Variants in CDH9 observed in about 807,000 individuals in gnomAD.
CDH9 encodes the protein cadherin-9.
In CDH9, 28 loss-of-function variants were observed where a neutral mutation model predicts 70.9. The ratio of observed to expected loss-of-function variants is 0.40; its 90% CI spans 0.29 to 0.54. The LOEUF (loss-of-function observed/expected upper bound fraction) is 0.54. CDH9 is among the 20% of genes least tolerant of loss of function. CDH9 has a pLI of 0.59. For synonymous variants in CDH9, 409 were observed against 343.1 expected (o/e 1.19, Z -2.12); for missense variants, 874 against 984.4 (o/e 0.89, Z 1.50).
intron 2 of CDH9, among the ~76,000 whole-genome samples, chr5:26,979,171 C>T (rs1742355519): frequency 6.6e-6 from 1 of 151,224 alleles, no homozygotes; most frequent in Admixed American, 6.6e-5. Context: ...ATTAACAATG[C>T]ATTATGCAGT....
In CDH9 at chr5:26,907,156, A is replaced by G. The variant is rs142957477; in HGVS notation, c.524-318T>C. Among the ~76,000 whole-genome samples the G allele has an allele frequency of 2.4e-3, 365 of 152,292 alleles. 2 individuals are homozygous for G. The highest frequency in any genetic ancestry group is 8.5e-3 in the African/African-American group (352 of 41,576). On this transcript the variant is annotated intron_variant, in intron 3 of 11. Transcript: ENST00000231021. ...TAGGGCAAACATTCTTAAAATGAAT[A>G]TAACACACATGAAATTTGTAATTAA...
intron 1 of CDH9, among the ~76,000 whole-genome samples, chr5:27,004,672 TGA>T (rs1373312917): frequency 2.6e-5 from 4 of 152,124 alleles, no homozygotes; most frequent in African/African-American, 9.6e-5. Flanking sequence ...CATTTACTAA[TGA>T]GAGACACATG....
At chr5:27,026,794 C>T (rs1338190800) in intron 1 of CDH9, among the ~76,000 whole-genome samples, 1 of 151,944 alleles carries the variant, frequency 6.6e-6, no homozygotes, top group Non-Finnish European at 1.5e-5. Flanking sequence ...AAATCATTAA[C>T]ATTCACCAAA....
intron 7 of CDH9, among the ~76,000 whole-genome samples, chr5:26,891,852 C>T (rs1561184878): frequency 1.3e-5 from 2 of 152,140 alleles, no homozygotes; most frequent in African/African-American, 2.4e-5. Context: ...TGAACATAGG[C>T]AGCCTCTAAA....
chr5:26,953,789 A>G (rs1402085668), intron 2 of CDH9, among the ~76,000 whole-genome samples: 2 of 152,128 alleles, frequency 1.3e-5, no homozygotes, highest in African/African-American at 4.8e-5. Context: ...AATTATTTCA[A>G]TGGCTTCCTA....
chr5:27,036,049 C>T (rs1743387586), intron 1 of CDH9, among the ~76,000 whole-genome samples: 3 of 151,728 alleles, frequency 2.0e-5, no homozygotes, highest in South Asian at 2.1e-4. Flanking sequence ...ACATTAATTG[C>T]ATATTTTATA....
At chr5:27,024,207 C>T (rs1173940473) in intron 1 of CDH9, among the ~76,000 whole-genome samples, 2 of 151,850 alleles carry the variant, frequency 1.3e-5, no homozygotes, top group African/African-American at 4.8e-5. Flanking sequence ...ATATATTTTT[C>T]ATACTCTCAT....
intron 2 of CDH9, among the ~76,000 whole-genome samples, chr5:26,956,655 C>T (rs965831905): frequency 1.3e-4 from 20 of 152,108 alleles, no homozygotes; most frequent in African/African-American, 4.8e-4. Flanking sequence ...CCACAGACCC[C>T]ACAGGCTTTC....
intron 2 of CDH9, among the ~76,000 whole-genome samples, chr5:26,934,057 C>T (rs922792108): frequency 6.6e-6 from 1 of 151,936 alleles, no homozygotes; most frequent in Non-Finnish European, 1.5e-5. Context: ...CAGATGGCTA[C>T]CACTAATGGC....
chr5:26,961,352 A>C (rs1458966424), intron 2 of CDH9, among the ~76,000 whole-genome samples: 1 of 152,050 alleles, frequency 6.6e-6, no homozygotes, highest in African/African-American at 2.4e-5. Flanking sequence ...GATCTTTTGA[A>C]TTTATTCTTC....
intron 11 of CDH9, among the ~76,000 whole-genome samples, chr5:26,883,133 T>A (rs1225953086): frequency 7.2e-6 from 1 of 138,722 alleles, no homozygotes; most frequent in Non-Finnish European, 1.5e-5. Context: ...ACTCTTCTTT[T>A]AAAAGATGGA....
chr5:26,943,085 A>G (rs1271092481), intron 2 of CDH9, among the ~76,000 whole-genome samples: 1 of 152,228 alleles, frequency 6.6e-6, no homozygotes, highest in Admixed American at 6.6e-5. Flanking sequence ...CAATACTAGC[A>G]TAAAATTTTG....
At chr5:26,889,690 G>T in intron 9 of CDH9, 146 bp downstream of exon 9, 1 of 521,044 alleles carries the variant, frequency 1.9e-6, no homozygotes, top group East Asian at 3.3e-5. Context: ...AAAAATCACT[G>T]TGAGTTCTTT....
chr5:26,961,803 T>C (rs1742041053), intron 2 of CDH9, among the ~76,000 whole-genome samples: 2 of 152,176 alleles, frequency 1.3e-5, no homozygotes, highest in East Asian at 3.9e-4. Context: ...CCTAGCACCA[T>C]GAGTGCATTA....
intron 2 of CDH9, among the ~76,000 whole-genome samples, chr5:26,933,029 G>A (rs909725317): frequency 2.7e-5 from 4 of 146,104 alleles, no homozygotes; most frequent in African/African-American, 9.9e-5. Flanking sequence ...TTATATTAAT[G>A]TATTATTTAT....
rs765294287 is a variant in CDH9 at position 26,890,468 on chromosome 5, T to C, written c.1350A>G (p.Ser450=). The change falls in exon 8 of 12, where the codon TCA becomes TCG. Residue 450 remains serine (S), a synonymous_variant. Transcript: ENST00000231021. The part of the protein sequence containing the change: ...IFTLKALDRE[S]SPWHNITVTA... Reference sequence around the variant, plus strand: ...TAACAGTGATGTTATGCCAAGGAGATGATTCCCGGTCAAGGGCTTTCAAAG... The same window carrying C: ...TAACAGTGATGTTATGCCAAGGAGACGATTCCCGGTCAAGGGCTTTCAAAG... The C allele has an allele frequency of 2.9e-5, 46 of 1,613,496 alleles. No individual in the cohort carries two copies. The South Asian group carries it at 4.6e-4, about 16-fold the overall frequency.
chr5:27,032,298 T>C lies in CDH9; in HGVS notation c.-50+6165A>G, dbSNP rs1743322329. Reference sequence around the variant, plus strand: ...TTACAAGTGTAATAATATTCTTTATTGTCAGTGATTGTATTAGGCATCTGA... The same window carrying C: ...TTACAAGTGTAATAATATTCTTTATCGTCAGTGATTGTATTAGGCATCTGA... On this transcript the variant is annotated intron_variant, in intron 1 of 11. Coordinates refer to ENST00000231021, the MANE Select transcript of CDH9 (RefSeq NM_016279.4). Among the ~76,000 whole-genome samples, 7 of 151,718 alleles carry C rather than the reference T, an allele frequency of 4.6e-5. No homozygotes were observed. The South Asian group carries it at 1.5e-3, about 31-fold the overall frequency.
intron 2 of CDH9, among the ~76,000 whole-genome samples, chr5:26,917,551 C>T (rs993396007): frequency 7.2e-5 from 11 of 152,158 alleles, no homozygotes; most frequent in Admixed American, 2.6e-4. Context: ...AATTATTTGA[C>T]TATTTAAATT....
At chr5:26,914,459 T>A (rs1162739565) in intron 3 of CDH9, among the ~76,000 whole-genome samples, 1 of 152,036 alleles carries the variant, frequency 6.6e-6, no homozygotes, top group Non-Finnish European at 1.5e-5. Context: ...TCCACTCATT[T>A]TTTGTATTAG....
Sources: allele counts gnomAD v4.1 joint callset (sites outside exome capture counted in the v4.1 genomes callset), GRCh38; gene constraint gnomAD v4.1.1; transcripts MANE v1.5; gene names NCBI Gene and HGNC (gene_info 2026-07-23, HGNC 2026-07-21).